UMAD1: variants seen among roughly 807,000 people sequenced by gnomAD.
The protein encoded by UMAD1 is UBAP1-MVB12-associated (UMA)-domain containing protein 1.
In UMAD1, 8 loss-of-function variants were observed where a neutral mutation model predicts 6.1. The ratio of observed to expected loss-of-function variants is 1.30; its 90% CI spans 0.76 to 2.35. The LOEUF is 2.35. Among genes scored for constraint, UMAD1 ranks in the 30% most tolerant of loss-of-function variants. The pLI, the probability that UMAD1 is intolerant of heterozygous loss-of-function variation, is 0.00. For synonymous variants in UMAD1, 56 were observed against 31.4 expected, an observed-to-expected ratio of 1.78 and a Z score of -2.61; for missense variants, 130 against 78.4, an observed-to-expected ratio of 1.66 and a Z score of -2.49.
chr7:7,856,044 G>A (rs1227602729), intron 3 of UMAD1, among the ~76,000 whole-genome samples: 1 of 152,096 alleles, frequency 6.6e-6, no homozygotes, highest in Non-Finnish European at 1.5e-5. Context: ...ATCACCATCA[G>A]CATTTTGGTC....
At chr7:7,788,806 T>A (rs1009150592) in intron 2 of UMAD1, among the ~76,000 whole-genome samples, 18 of 152,190 alleles carry the variant, frequency 1.2e-4, no homozygotes, top group African/African-American at 4.3e-4. Flanking sequence ...TTCTTCCCAT[T>A]CTAGTGACAT....
chr7:7,856,698 T>G (rs935205012), intron 3 of UMAD1, among the ~76,000 whole-genome samples: 1 of 152,236 alleles, frequency 6.6e-6, no homozygotes, highest in African/African-American at 2.4e-5. Flanking sequence ...AATTTTTTAT[T>G]CTATTGATGT....
intron 2 of UMAD1, among the ~76,000 whole-genome samples, chr7:7,783,607 A>G (rs1448887260): frequency 2.0e-5 from 3 of 152,192 alleles, no homozygotes; most frequent in African/African-American, 7.2e-5. Context: ...AACTACCAAG[A>G]TTTGTAGCTT....
At chr7:7,867,299 C>G (rs1356033409) in intron 3 of UMAD1, among the ~76,000 whole-genome samples, 1 of 152,124 alleles carries the variant, frequency 6.6e-6, no homozygotes, top group Non-Finnish European at 1.5e-5. Context: ...GTGCATGTAT[C>G]TACATACATA....
chr7:7,641,648 G>A, intron 1 of UMAD1: 1 of 152,228 alleles, frequency 6.6e-6, no homozygotes, highest in East Asian at 1.9e-4. Flanking sequence ...GTGACCCGAA[G>A]CCGGCGGCCT....
At chr7:7,812,106 A>G (rs1783031760) in intron 3 of UMAD1, among the ~76,000 whole-genome samples, 1 of 152,176 alleles carries the variant, frequency 6.6e-6, no homozygotes, top group Admixed American at 6.5e-5. Flanking sequence ...TATAATTGAA[A>G]GGTCATAATT....
At chr7:7,773,826 G>A (rs896705816) in intron 2 of UMAD1, among the ~76,000 whole-genome samples, 2 of 152,164 alleles carry the variant, frequency 1.3e-5, no homozygotes, top group African/African-American at 2.4e-5. Context: ...GGAGGTGAGT[G>A]AGGAGTTACA....
intron 3 of UMAD1, among the ~76,000 whole-genome samples, chr7:7,806,236 C>T (rs1782910027): frequency 7.5e-6 from 1 of 133,320 alleles, no homozygotes; most frequent in Non-Finnish European, 1.6e-5. Flanking sequence ...TAAAAAAGAA[C>T]AGCAGGGTTT....
At chr7:7,675,953 AT>A (rs1779728923) in intron 2 of UMAD1, 2 of 389,614 alleles carry the variant, frequency 5.1e-6, no homozygotes, top group Non-Finnish European at 4.5e-6. Flanking sequence ...CCCCTTCACC[AT>A]TTTCATAAAA....
chr7:7,695,947 G>A (rs913580706), intron 2 of UMAD1, among the ~76,000 whole-genome samples: 3 of 151,728 alleles, frequency 2.0e-5, no homozygotes, highest in African/African-American at 7.3e-5. Context: ...TTTGTCTATA[G>A]GAGGCTCTTT....
At chr7:7,835,862 T>C (rs1280476691) in intron 3 of UMAD1, among the ~76,000 whole-genome samples, 1 of 152,086 alleles carries the variant, frequency 6.6e-6, no homozygotes, top group East Asian at 1.9e-4. Context: ...TTGCTTTATT[T>C]GCTTGTTTTC....
chr7:7,714,578 G>T (rs1260625119), intron 2 of UMAD1, among the ~76,000 whole-genome samples: 12 of 152,298 alleles, frequency 7.9e-5, no homozygotes, highest in Non-Finnish European at 2.9e-5. Context: ...GGAATCAGTG[G>T]TAGATTGATT....
At chr7:7,675,951 C>A (rs80062810) in intron 2 of UMAD1, among the ~76,000 whole-genome samples, 2,628 of 152,292 alleles carry the variant, frequency 0.017, 76 homozygotes, top group African/African-American at 0.06. Flanking sequence ...CACCCCTTCA[C>A]CATTTTCATA....
chr7:7,819,600 C>T (rs1783203085), intron 3 of UMAD1, among the ~76,000 whole-genome samples: 1 of 152,152 alleles, frequency 6.6e-6, no homozygotes, highest in Non-Finnish European at 1.5e-5. Context: ...CGCCTGTTGA[C>T]ATGGAGAACC....
chr7:7,659,873 G>A (rs192236408), intron 1 of UMAD1, among the ~76,000 whole-genome samples: 7 of 152,180 alleles, frequency 4.6e-5, no homozygotes, highest in East Asian at 1.9e-4. Flanking sequence ...TTTCTGTCTC[G>A]TTGATGTATC....
chr7:7,782,734 C>CTTT (rs777169882), intron 2 of UMAD1, among the ~76,000 whole-genome samples: 15 of 127,150 alleles, frequency 1.2e-4, no homozygotes, highest in African/African-American at 1.6e-4. Context: ...TAACCTCTCT[C>CTTT]TTTTTTTTTT....
chr7:7,704,172 GT>G (rs1563138544), intron 2 of UMAD1, among the ~76,000 whole-genome samples: 1 of 152,000 alleles, frequency 6.6e-6, no homozygotes, highest in Non-Finnish European at 1.5e-5. Flanking sequence ...AAGGCCAACT[GT>G]TTTCTGTTGA....
chr7:7,767,491 T>C (rs140847698), intron 2 of UMAD1, among the ~76,000 whole-genome samples: 1 of 152,324 alleles, frequency 6.6e-6, no homozygotes, highest in East Asian at 1.9e-4. Context: ...TTATTTTAGG[T>C]TTCAATTCCA....
intron 1 of UMAD1, among the ~76,000 whole-genome samples, chr7:7,650,775 C>G (rs1364227437): frequency 2.0e-5 from 3 of 152,210 alleles, no homozygotes; most frequent in Non-Finnish European, 4.4e-5. Context: ...TGATCACTCT[C>G]CATCCAGTGA....
Sources: allele counts gnomAD v4.1 joint callset (sites outside exome capture counted in the v4.1 genomes callset), GRCh38; gene constraint gnomAD v4.1.1; transcripts MANE v1.5; gene names NCBI Gene and HGNC (gene_info 2026-07-23, HGNC 2026-07-21).